IREB2: variants seen among roughly 807,000 people sequenced by gnomAD.
IREB2 encodes iron-responsive element-binding protein 2.
Under a neutral mutation model 118.8 loss-of-function variants are expected in IREB2, and 39 were observed. The ratio of observed to expected loss-of-function variants is 0.33; its 90% CI spans 0.25 to 0.43. The LOEUF is 0.43. Ranked by LOEUF, IREB2 falls within the 20% of genes least tolerant of loss-of-function variation. IREB2 has a pLI of 1.00. For missense variants in IREB2, 900 were observed against 1,147.3 expected (o/e 0.78, Z 3.11); for synonymous variants, 372 against 392.2 (o/e 0.95, Z 0.61).
intron 15 of IREB2, 113 bp downstream of exon 15, chr15:78,488,449 G>T: frequency 2.0e-6 from 2 of 992,356 alleles, no homozygotes; most frequent in South Asian, 1.8e-5. Context: ...TCAGGAAGAC[G>T]TATGATAATG....
intron 3 of IREB2, among the ~76,000 whole-genome samples, chr15:78,463,927 A>G (rs879570555): frequency 2.6e-5 from 4 of 151,742 alleles, no homozygotes; most frequent in Non-Finnish European, 4.4e-5. Context: ...GGCACCATAC[A>G]CTCCCATTTG....
chr15:78,462,821 CAG>C (rs2051218695), intron 2 of IREB2, 99 bp from the exon 3 acceptor site: 2 of 806,682 alleles, frequency 2.5e-6, no homozygotes, highest in African/African-American at 1.8e-5. Context: ...ATTGAGAAAA[CAG>C]TGCATTTTTG....
intron 10 of IREB2, among the ~76,000 whole-genome samples, chr15:78,480,564 C>A (rs563824249): frequency 6.6e-6 from 1 of 151,604 alleles, no homozygotes; most frequent in South Asian, 2.1e-4. Context: ...TGGTGGGGGC[C>A]TGTAATCCCA....
At chr15:78,484,716 C>T (rs1379018000) in intron 11 of IREB2, 45 bp from the exon 12 acceptor site, 1 of 1,403,332 alleles carries the variant, frequency 7.1e-7, no homozygotes, top group African/African-American at 1.4e-5. Flanking sequence ...TTATTCTGTA[C>T]ATACCCAGAA....
intron 16 of IREB2, among the ~76,000 whole-genome samples, chr15:78,489,589 C>G (rs1259830026): frequency 2.0e-5 from 3 of 152,144 alleles, no homozygotes; most frequent in Non-Finnish European, 4.4e-5. Flanking sequence ...TGAAGCAGCT[C>G]ACTGCAGCCT....
chr15:78,439,217 C>G (rs1381592694), intron 1 of IREB2, among the ~76,000 whole-genome samples: 1 of 152,174 alleles, frequency 6.6e-6, no homozygotes, highest in Non-Finnish European at 1.5e-5. Context: ...ATGCTAATTT[C>G]CTAGAGATTC....
intron 2 of IREB2, among the ~76,000 whole-genome samples, chr15:78,458,924 A>C (rs561476253): frequency 6.6e-6 from 1 of 151,760 alleles, no homozygotes; most frequent in East Asian, 1.9e-4. Flanking sequence ...TCAGCCTCCC[A>C]AGGAGCTGGA....
At chr15:78,450,826 G>T (rs1217287833) in intron 2 of IREB2, among the ~76,000 whole-genome samples, 1 of 9,054 alleles carries the variant, frequency 1.1e-4, no homozygotes, top group African/African-American at 3.8e-4. Context: ...TAACAAATTT[G>T]TGTGTGTGTG....
intron 2 of IREB2, among the ~76,000 whole-genome samples, chr15:78,450,824 T>TTGTG (rs35092289): frequency 0.033 from 4,481 of 134,034 alleles, 128 homozygotes; most frequent in East Asian, 0.069. Flanking sequence ...ATTAACAAAT[T>TTGTG]TGTGTGTGTG....
Position 78,470,402 on chromosome 15 carries a change from T to A in IREB2, c.630-130T>A, listed in dbSNP as rs1252774722. 7.4e-6 allele frequency: 4 copies of A among 538,936 alleles called. No homozygotes were observed. In the African/African-American group the frequency reaches 7.7e-5, roughly 10 times the overall value. The allele number at this position is 538,936 out of a possible 1,614,324, so 33.4% of individuals were successfully genotyped here. A position where few individuals can be genotyped will look rare whatever the true frequency, so the allele number is the denominator to read the frequency against. Reference sequence around the variant, plus strand: ...AAGAAAATAATTCTGAGAAACCTAGTAAATAGTTCTTCCAAGGATTTTAAG... The same window carrying A: ...AAGAAAATAATTCTGAGAAACCTAGAAAATAGTTCTTCCAAGGATTTTAAG... On this transcript the variant is annotated intron_variant, in intron 5 of 21. Coordinates refer to ENST00000258886, the MANE Select transcript of IREB2 (RefSeq NM_004136.4).
chr15:78,497,396 A>G, intron 21 of IREB2, 85 bp downstream of exon 21: 1 of 945,314 alleles, frequency 1.1e-6, no homozygotes, highest in Non-Finnish European at 1.6e-6. Context: ...TAAATTATAT[A>G]CTAATGTCAC....
intron 5 of IREB2, among the ~76,000 whole-genome samples, chr15:78,469,142 C>T (rs1044468984): frequency 2.0e-5 from 3 of 152,076 alleles, no homozygotes; most frequent in Non-Finnish European, 2.9e-5. Context: ...TCATTTGTAT[C>T]TTTTAATGTG....
intron 7 of IREB2, 34 bp downstream of exon 7, chr15:78,471,958 T>C (rs1046472753): frequency 8.7e-5 from 126 of 1,445,892 alleles, no homozygotes; most frequent in Non-Finnish European, 1.1e-4. Flanking sequence ...TCATTTCTTT[T>C]GGGGTAAGGA....
intron 18 of IREB2, among the ~76,000 whole-genome samples, chr15:78,493,357 G>A (rs143315226): frequency 3.5e-4 from 53 of 152,140 alleles, no homozygotes; most frequent in African/African-American, 1.2e-3. Flanking sequence ...ATGAAAAGTC[G>A]TATTTGCAGT....
rs919385000 is a variant in IREB2 at position 78,500,652 on chromosome 15, A to G, written c.*2509A>G. 1 of 151,580 alleles carries G rather than the reference A, an allele frequency of 6.6e-6. No individual in the cohort carries two copies. The highest frequency in any genetic ancestry group is 1.5e-5 in the Non-Finnish European group (1 of 67,952). The allele number at this position is 151,580 out of a possible 1,614,324, so 9.4% of individuals were successfully genotyped here. A position where few individuals can be genotyped will look rare whatever the true frequency, so the allele number is the denominator to read the frequency against. On this transcript the variant is annotated 3_prime_UTR_variant, in exon 22 of 22. Transcript: ENST00000258886. The stretch of plus-strand genomic sequence containing the variant: ...CACTACCAACAGCAGGGTTTTTTTT[A>G]TACTTTGAAAACATTATGCTACATA...
chr15:78,439,715 A>C (rs1202220357), intron 1 of IREB2, 80 bp from the exon 2 acceptor site: 5 of 783,748 alleles, frequency 6.4e-6, no homozygotes, highest in Admixed American at 2.7e-5. Context: ...ATTCTATTGG[A>C]TAAAGCTAGT....
At chr15:78,488,851 A>C (rs1439081107) in intron 16 of IREB2, 80 bp downstream of exon 16, 2 of 766,156 alleles carry the variant, frequency 2.6e-6, no homozygotes, top group Admixed American at 3.2e-5. Context: ...GAATAGAATA[A>C]AAATTAAAAT....
chr15:78,495,472 T>C (rs1236384937), intron 20 of IREB2, among the ~76,000 whole-genome samples: 3 of 152,170 alleles, frequency 2.0e-5, no homozygotes, highest in Non-Finnish European at 2.9e-5. Flanking sequence ...GGCCTTACTA[T>C]AGGTGACTGG....
intron 9 of IREB2, 123 bp downstream of exon 9, chr15:78,476,482 A>T (rs1466365768): frequency 5.9e-6 from 4 of 675,996 alleles, no homozygotes; most frequent in Non-Finnish European, 9.2e-6. Flanking sequence ...TGTTGAAACA[A>T]CAACTTTCAA....
Sources: allele counts gnomAD v4.1 joint callset (sites outside exome capture counted in the v4.1 genomes callset), GRCh38; gene constraint gnomAD v4.1.1; transcripts MANE v1.5; gene names NCBI Gene and HGNC (gene_info 2026-07-23, HGNC 2026-07-21).